Variants in CBFB observed in about 807,000 individuals in gnomAD.
CBFB encodes the protein core-binding factor subunit beta, also known as CBF-beta.
In CBFB, 9 loss-of-function variants were observed where a neutral mutation model predicts 30.4. The observed-to-expected ratio is 0.30, with a 90% CI of 0.18 to 0.52. The LOEUF (loss-of-function observed/expected upper bound fraction) is 0.52, where lower values mean the gene tolerates loss of function less well. CBFB is among the 20% of genes least tolerant of loss of function. The probability of loss-of-function intolerance (pLI) is 0.97; values close to 1 mark genes in which losing one functional copy is unlikely to be tolerated. For missense variants in CBFB, 170 were observed against 244.0 expected (o/e 0.70, Z 2.02); for synonymous variants, 94 against 84.0 (o/e 1.12, Z -0.65).
At chr16:67,093,668 C>T (rs916307343) in intron 5 of CBFB, 3 of 152,136 alleles carry the variant, frequency 2.0e-5, no homozygotes, top group African/African-American at 7.2e-5. Flanking sequence ...TTCATAAATA[C>T]TAAGAACAGA....
At chr16:67,042,967 A>G (rs1415494252) in intron 3 of CBFB, among the ~76,000 whole-genome samples, 3 of 151,784 alleles carry the variant, frequency 2.0e-5, no homozygotes, top group Admixed American at 1.3e-4. Flanking sequence ...AACTCCTAAC[A>G]TCAGGTGATC....
In CBFB at chr16:67,100,288, A is replaced by G; in HGVS notation, c.*1510A>G. The stretch of plus-strand genomic sequence containing the variant: ...GGTCATTGCATTTAAAAAGCATATA[A>G]CTGTACTTGACTGATGAGGGAGGTG... On this transcript the variant is annotated 3_prime_UTR_variant, in exon 6 of 6. Transcript: ENST00000412916. 1 of 221,594 alleles carries G rather than the reference A, an allele frequency of 4.5e-6. No homozygotes were observed. Among genetic ancestry groups the G allele is most frequent in the Non-Finnish European group, 9.0e-6 (1 of 110,542 alleles). The allele number at this position is 221,594 out of a possible 1,614,324, so 13.7% of individuals were successfully genotyped here.
In CBFB at chr16:67,100,407, A is replaced by C. The variant is rs1962186607; in HGVS notation, c.*1629A>C. On this transcript the variant is annotated 3_prime_UTR_variant, in exon 6 of 6. Transcript: ENST00000412916. ...ATATTTGAAGTTATGCATGGAAAGG[A>C]GTGTGTTTAAATTGTTACAAACAAT... 4.5e-6 allele frequency: 1 copy of C among 223,710 alleles called. No homozygotes were observed. Among genetic ancestry groups the C allele is most frequent in the Admixed American group, 5.7e-5 (1 of 17,492 alleles). 13.9% of individuals were successfully genotyped at this position (223,710 alleles called of 1,614,324 possible).
At chr16:67,064,274 TCA>T (rs1160223863) in intron 3 of CBFB, among the ~76,000 whole-genome samples, 1 of 152,212 alleles carries the variant, frequency 6.6e-6, no homozygotes, top group Non-Finnish European at 1.5e-5. Flanking sequence ...TGGCACGATC[TCA>T]GTTTACTGCA....
intron 2 of CBFB, among the ~76,000 whole-genome samples, chr16:67,035,865 T>A (rs1306121286): frequency 6.6e-6 from 1 of 152,232 alleles, no homozygotes; most frequent in Non-Finnish European, 1.5e-5. Flanking sequence ...ATGTCTTTGT[T>A]TTTTGCCTGA....
At position 67,048,149 on chromosome 16, in the gene CBFB, G is replaced by T. The variant is rs557387360; in HGVS notation, c.282+11394G>T. Among the ~76,000 whole-genome samples, 7 of 152,256 alleles carry T rather than the reference G, an allele frequency of 4.6e-5. No homozygotes were observed. The South Asian group carries it at 1.5e-3, about 32-fold the overall frequency. On this transcript the variant is annotated intron_variant, in intron 3 of 5. Coordinates refer to ENST00000412916, the MANE Select transcript of CBFB (RefSeq NM_022845.3). ...CAGCTACTTGAGAGAGGCTGGGGTG[G>T]GAGAGTTGCTTGGGCCTGGGAGGCA...
intron 2 of CBFB, among the ~76,000 whole-genome samples, chr16:67,030,531 C>G (rs1017474692): frequency 6.6e-6 from 1 of 152,008 alleles, no homozygotes; most frequent in Non-Finnish European, 1.5e-5. Context: ...TTCCTCTCAT[C>G]TTTTTGGTTT....
At chr16:67,046,774 T>C (rs970395422) in intron 3 of CBFB, among the ~76,000 whole-genome samples, 2 of 152,220 alleles carry the variant, frequency 1.3e-5, no homozygotes, top group Admixed American at 6.5e-5. Flanking sequence ...ATAAAAATGC[T>C]GTTTACCTTC....
intron 2 of CBFB, among the ~76,000 whole-genome samples, chr16:67,031,293 A>C (rs1411298897): frequency 6.6e-6 from 1 of 152,160 alleles, no homozygotes; most frequent in Admixed American, 6.5e-5. Flanking sequence ...TTTCTTGAGT[A>C]ATTGTAGTAT....
At chr16:67,098,366 A>C (rs1240289561) in intron 5 of CBFB, among the ~76,000 whole-genome samples, 1 of 152,040 alleles carries the variant, frequency 6.6e-6, no homozygotes, top group Non-Finnish European at 1.5e-5. Context: ...CGAACTCCTG[A>C]CCTCAAATGA....
intron 4 of CBFB, among the ~76,000 whole-genome samples, chr16:67,073,743 A>G (rs112318977): frequency 0.044 from 6,637 of 151,850 alleles, 474 homozygotes; most frequent in African/African-American, 0.15. Context: ...CTCCATCTCA[A>G]AAAAACACGA....
chr16:67,030,630 T>C (rs1966323276), intron 2 of CBFB, among the ~76,000 whole-genome samples: 1 of 152,188 alleles, frequency 6.6e-6, no homozygotes, highest in African/African-American at 2.4e-5. Flanking sequence ...GGTAGAGTCT[T>C]GCTCTGTTGC....
chr16:67,069,699 A>C (rs1961164216), intron 4 of CBFB, among the ~76,000 whole-genome samples: 1 of 152,252 alleles, frequency 6.6e-6, no homozygotes, highest in African/African-American at 2.4e-5. Flanking sequence ...GTTGAGAGAC[A>C]AGGAATCATG....
Position 67,039,399 on chromosome 16 carries a change from C to G in CBFB, c.282+2644C>G, listed in dbSNP as rs528723818. 7.4e-4 allele frequency among the ~76,000 whole-genome samples: 113 copies of G among 152,220 alleles called. No homozygotes were observed. The Middle Eastern group carries it at 0.01, about 14-fold the overall frequency. Reference sequence around the variant, plus strand: ...GGACTGGAAGTTGCTCTGGGTCAGTCAGTTGAGTAAGTGGTGAATGAATGT... The same window carrying G: ...GGACTGGAAGTTGCTCTGGGTCAGTGAGTTGAGTAAGTGGTGAATGAATGT... On this transcript the variant is annotated intron_variant, in intron 3 of 5. Transcript: ENST00000412916.
chr16:67,045,778 C>T (rs1017188629), intron 3 of CBFB, among the ~76,000 whole-genome samples: 3 of 151,026 alleles, frequency 2.0e-5, no homozygotes, highest in African/African-American at 7.3e-5. Flanking sequence ...TCTTCCCCTC[C>T]TTCCTTCTAC....
chr16:67,029,572 G>GGA, intron 1 of CBFB, 87 bp downstream of exon 1: 1 of 1,410,696 alleles, frequency 7.1e-7, no homozygotes, highest in Non-Finnish European at 9.6e-7. Context: ...ACGGTCCCCG[G>GGA]GAGTCCCGGT....
rs938978720 is a variant in CBFB, at chr16:67,033,743, C to T, written c.166-2896C>T. On this transcript the variant is annotated intron_variant, in intron 2 of 5. Transcript: ENST00000412916. ...TCTCCCGCTTCAGCCTCCCGAGTAACTGGGACTACAGTCGCCTGCCACCAC... is the reference window on the plus strand; with the variant it reads ...TCTCCCGCTTCAGCCTCCCGAGTAATTGGGACTACAGTCGCCTGCCACCAC... Among the ~76,000 whole-genome samples the T allele has an allele frequency of 4.0e-5, 6 of 151,254 alleles. No individual in the cohort carries two copies. The South Asian group carries it at 1.2e-3, about 31-fold the overall frequency.
chr16:67,048,958 T>C (rs2145728360), intron 3 of CBFB, among the ~76,000 whole-genome samples: 1 of 151,756 alleles, frequency 6.6e-6, no homozygotes, highest in Middle Eastern at 3.4e-3. Context: ...TAGCTGGGAT[T>C]ACAGGCATGT....
rs567277749 is a variant in CBFB at position 67,058,574 on chromosome 16, G to A, written c.283-8108G>A. On this transcript the variant is annotated intron_variant, in intron 3 of 5. Coordinates refer to ENST00000412916, the MANE Select transcript of CBFB (RefSeq NM_022845.3). ...TTTGAACTCATCATATATCCCCACT[G>A]CCCTTATAAGCATTTCCTGCACATA... Among the ~76,000 whole-genome samples the A allele has an allele frequency of 1.6e-3, 236 of 152,252 alleles. 2 individuals carry two copies. Among genetic ancestry groups the A allele is most frequent in the Admixed American group, 0.015 (233 of 15,288 alleles).
Sources: gnomAD v4.1 joint callset for allele counts (sites outside exome capture counted in the v4.1 genomes callset) on GRCh38, gnomAD v4.1.1 for gene constraint, MANE v1.5 for transcripts, NCBI Gene and HGNC (gene_info 2026-07-23, HGNC 2026-07-21) for gene names.